Variants in ATP10A observed in about 807,000 individuals in gnomAD.
ATP10A encodes the protein phospholipid-transporting ATPase VA.
A neutral mutation model predicts 147.8 loss-of-function variants in ATP10A; 111 were observed. The ratio of observed to expected loss-of-function variants is 0.75; its 90% CI spans 0.64 to 0.88. The LOEUF (loss-of-function observed/expected upper bound fraction) is 0.88. Ranked by LOEUF, ATP10A falls within the 40% of genes least tolerant of loss-of-function variation. The pLI is 0.00. For missense variants in ATP10A, 1,927 were observed against 1,959.0 expected, an observed-to-expected ratio of 0.98 and a Z score of 0.31; for synonymous variants, 875 against 841.6, an observed-to-expected ratio of 1.04 and a Z score of -0.69.
At chr15:25,843,479 C>T (rs1567426386) in intron 1 of ATP10A, among the ~76,000 whole-genome samples, 1 of 152,070 alleles carries the variant, frequency 6.6e-6, no homozygotes, top group Non-Finnish European at 1.5e-5. Context: ...TTTTCCCAAA[C>T]CAGAGCCCAG....
At chr15:25,801,859 T>C (rs530253983) in intron 1 of ATP10A, among the ~76,000 whole-genome samples, 1 of 152,272 alleles carries the variant, frequency 6.6e-6, no homozygotes, top group Admixed American at 6.5e-5. Flanking sequence ...ACCTCCCCAG[T>C]TGCTGACTCG....
intron 1 of ATP10A, among the ~76,000 whole-genome samples, chr15:25,799,982 A>G (rs529149692): frequency 6.6e-6 from 1 of 152,198 alleles, no homozygotes; most frequent in East Asian, 1.9e-4. Context: ...GATACCTCCA[A>G]CTCCTTCTCA....
At chr15:25,787,267 A>T (rs906112693) in intron 1 of ATP10A, among the ~76,000 whole-genome samples, 73 of 152,296 alleles carry the variant, frequency 4.8e-4, no homozygotes, top group African/African-American at 1.7e-3. Flanking sequence ...TTCCCTTTAA[A>T]ATTATGCAGT....
intron 1 of ATP10A, among the ~76,000 whole-genome samples, chr15:25,788,513 G>A (rs923899238): frequency 1.3e-5 from 2 of 152,238 alleles, no homozygotes; most frequent in African/African-American, 4.8e-5. Context: ...GTTCAATTAA[G>A]TGAGAGGCCG....
intron 9 of ATP10A, among the ~76,000 whole-genome samples, chr15:25,716,020 G>A (rs1383268709): frequency 1.3e-5 from 2 of 152,220 alleles, no homozygotes; most frequent in Non-Finnish European, 2.9e-5. Context: ...CCTCTCTCAG[G>A]AGAAAACCTT....
chr15:25,708,393 ACTTG>A, intron 10 of ATP10A, 93 bp from the exon 11 acceptor site: 1 of 1,099,930 alleles, frequency 9.1e-7, no homozygotes, highest in Non-Finnish European at 1.4e-6. Context: ...TCTGTTCGTT[ACTTG>A]CGAATAGAGC....
rs1441056549 is a variant in ATP10A at position 25,679,784 on chromosome 15, G to T, written c.4057C>A (p.Pro1353Thr). 2 of 1,612,832 alleles carry T rather than the reference G, an allele frequency of 1.2e-6. No homozygotes were observed. Among genetic ancestry groups the T allele is most frequent in the Admixed American group, 1.7e-5 (1 of 60,018 alleles). The change falls in exon 21 of 21, where the codon CCT (proline) becomes ACT (threonine). Residue 1353 changes from proline to threonine, a missense_variant. By Grantham distance (38) the Pro-to-Thr change is conservative (BLOSUM62 -1). Transcript: ENST00000555815. ...ACCGGCTGCTGTGTGTGCCAAGAAGGCTGGGACAGGGGCACAGAGGTCTTG... is the reference window on the plus strand; with the variant it reads ...ACCGGCTGCTGTGTGTGCCAAGAAGTCTGGGACAGGGGCACAGAGGTCTTG... ...TVKTSVPLSQ[P>T]SWHTQQPVCS...
chr15:25,734,680 T>G (rs1887160241), intron 3 of ATP10A, among the ~76,000 whole-genome samples: 1 of 152,170 alleles, frequency 6.6e-6, no homozygotes, highest in Admixed American at 6.5e-5. Flanking sequence ...TACATTTTGT[T>G]GTTGAGTTTT....
intron 6 of ATP10A, among the ~76,000 whole-genome samples, chr15:25,722,636 A>G (rs1902314153): frequency 6.6e-6 from 1 of 152,362 alleles, no homozygotes; most frequent in Non-Finnish European, 1.5e-5. Context: ...CACCAGCTAC[A>G]GTCCTAACTC....
chr15:25,715,565 G>A (rs1410606450), intron 9 of ATP10A, among the ~76,000 whole-genome samples: 1 of 152,244 alleles, frequency 6.6e-6, no homozygotes, highest in Non-Finnish European at 1.5e-5. Flanking sequence ...GGTTTTTAAT[G>A]CTGGGGGCAG....
At chr15:25,767,291 C>T (rs530248394) in intron 2 of ATP10A, among the ~76,000 whole-genome samples, 5 of 152,272 alleles carry the variant, frequency 3.3e-5, no homozygotes, top group East Asian at 1.9e-4. Flanking sequence ...ACCCCTGAGA[C>T]GGTGAAGGGG....
Position 25,850,560 on chromosome 15 carries a change from C to T in ATP10A, c.449+12088G>A, listed in dbSNP as rs184352370. Among the ~76,000 whole-genome samples the T allele has an allele frequency of 4.9e-3, 753 of 152,294 alleles. 6 individuals are homozygous for T. The highest frequency in any genetic ancestry group is 0.017 in the Middle Eastern group (5 of 294). On this transcript the variant is annotated intron_variant, in intron 1 of 20. Coordinates refer to ENST00000555815, the MANE Select transcript of ATP10A (RefSeq NM_024490.4). ...AGGCGAGTCCCCAGGCGCCATTCTA[C>T]GCGGCCAGTTTTGGAGAACTGGAAC...
In ATP10A at chr15:25,680,306, G is replaced by A. The variant is rs148416506; in HGVS notation, c.3681C>T (p.Thr1227=). 1.2e-6 allele frequency: 2 copies of A among 1,613,602 alleles called. No individual in the cohort carries two copies. Among genetic ancestry groups the A allele is most frequent in the Non-Finnish European group, 1.7e-6 (2 of 1,179,702 alleles). Residue 1227 remains threonine, a splice_region_variant and synonymous_variant, in exon 20 of 21, where the codon ACC becomes ACT. Transcript: ENST00000555815. ...AGCCACACGTTATCCAGTTGAGCCA[G>A]GTCTGAGGGGGAATGAGAAAGAAAG... ...LHLGIETKTW[T]WLNWITCGFS...
chr15:25,767,454 C>G (rs907207983), intron 2 of ATP10A, among the ~76,000 whole-genome samples: 2 of 152,162 alleles, frequency 1.3e-5, no homozygotes, highest in African/African-American at 4.8e-5. Context: ...GATCTGGAGC[C>G]CAATGTTGGG....
chr15:25,797,143 T>C (rs974620114), intron 1 of ATP10A, among the ~76,000 whole-genome samples: 5 of 152,140 alleles, frequency 3.3e-5, no homozygotes, highest in African/African-American at 1.2e-4. Context: ...TTCCAACCTC[T>C]GGTAACCCCC....
chr15:25,845,675 G>A (rs965801976), intron 1 of ATP10A, among the ~76,000 whole-genome samples: 1 of 152,184 alleles, frequency 6.6e-6, no homozygotes, highest in Non-Finnish European at 1.5e-5. Flanking sequence ...ACTGGCAGCA[G>A]CAGCATAGTG....
In ATP10A at chr15:25,781,239, T is replaced by G; in HGVS notation, c.450-16A>C. 1 of 1,602,212 alleles carries G rather than the reference T, an allele frequency of 6.2e-7. No individual in the cohort carries two copies. The highest frequency in any genetic ancestry group is 8.5e-7 in the Non-Finnish European group (1 of 1,173,494). ...CTTTTCTTCCCTAGAAAACAGATTT[T>G]GATTAACAAAACTCACGAGACATTG... On this transcript the variant is annotated splice_polypyrimidine_tract_variant and intron_variant, in intron 1 of 20. Coordinates refer to ENST00000555815, the MANE Select transcript of ATP10A (RefSeq NM_024490.4).
intron 1 of ATP10A, among the ~76,000 whole-genome samples, chr15:25,792,944 C>G (rs1890501183): frequency 6.8e-6 from 1 of 147,536 alleles, no homozygotes; most frequent in Admixed American, 7.0e-5. Flanking sequence ...GATCCTGACT[C>G]ACCGCAACCT....
intron 17 of ATP10A, among the ~76,000 whole-genome samples, chr15:25,682,658 A>G (rs1224468428): frequency 6.6e-6 from 1 of 152,222 alleles, no homozygotes; most frequent in Non-Finnish European, 1.5e-5. Flanking sequence ...CACCCCGTGC[A>G]TGCGGCCTGC....
Sources: allele counts gnomAD v4.1 joint callset (sites outside exome capture counted in the v4.1 genomes callset), GRCh38; gene constraint gnomAD v4.1.1; transcripts MANE v1.5; gene names NCBI Gene and HGNC (gene_info 2026-07-23, HGNC 2026-07-21).